The following FBXL17 variants were observed in gnomAD, a reference collection of about 807,000 sequenced individuals.
FBXL17 encodes F-box and leucine rich repeat protein 17, also known as F-box/LRR-repeat protein 17.
Under a neutral mutation model 66.2 loss-of-function variants are expected in FBXL17, and 22 were observed. That is an observed-to-expected ratio of 0.33 (90% CI 0.24 to 0.47). The LOEUF (loss-of-function observed/expected upper bound fraction) is 0.47, where lower values mean the gene tolerates loss of function less well. Among genes scored for constraint, FBXL17 ranks in the 20% least tolerant of loss-of-function variants. The probability of loss-of-function intolerance (pLI) is 1.00; values close to 1 mark genes in which losing one functional copy is unlikely to be tolerated. For missense variants in FBXL17, 878 were observed against 948.2 expected (o/e 0.93, Z 0.97); for synonymous variants, 474 against 400.5 (o/e 1.18, Z -2.19).
intron 3 of FBXL17, among the ~76,000 whole-genome samples, chr5:108,349,707 T>G (rs995198377): frequency 2.6e-5 from 4 of 152,198 alleles, no homozygotes; most frequent in South Asian, 4.1e-4. Context: ...GATTATGCAC[T>G]ATAAAGCAGC....
At chr5:108,093,736 G>A (rs1401071264) in intron 6 of FBXL17, among the ~76,000 whole-genome samples, 1 of 152,118 alleles carries the variant, frequency 6.6e-6, no homozygotes, top group Non-Finnish European at 1.5e-5. Flanking sequence ...AAGTGGGTAG[G>A]TCTAAGGGTA....
At chr5:108,161,611 G>A (rs897413288) in intron 6 of FBXL17, among the ~76,000 whole-genome samples, 1 of 152,206 alleles carries the variant, frequency 6.6e-6, no homozygotes, top group African/African-American at 2.4e-5. Flanking sequence ...GTAATAACCA[G>A]CAGGCATTCA....
chr5:108,202,878 G>A (rs1047331670), intron 5 of FBXL17, among the ~76,000 whole-genome samples: 1 of 152,050 alleles, frequency 6.6e-6, no homozygotes, highest in East Asian at 1.9e-4. Flanking sequence ...GCTATAGTAC[G>A]AGTTTTTTAA....
At chr5:108,375,489 C>T (rs926321531) in intron 1 of FBXL17, among the ~76,000 whole-genome samples, 9 of 151,752 alleles carry the variant, frequency 5.9e-5, no homozygotes. Context: ...AAAAAGTACA[C>T]AATTATAAGA....
intron 7 of FBXL17, among the ~76,000 whole-genome samples, chr5:107,898,949 AG>A (rs1292329453): frequency 6.6e-6 from 1 of 152,222 alleles, no homozygotes; most frequent in African/African-American, 2.4e-5. Flanking sequence ...TCTTTATAAT[AG>A]AATGATTTAT....
chr5:108,025,688 CACACACACACACACAA>C (rs1754774352), intron 6 of FBXL17, among the ~76,000 whole-genome samples: 3 of 138,546 alleles, frequency 2.2e-5, no homozygotes, highest in African/African-American at 3.2e-5. Context: ...CATACACACA[CACACACACACACACAA>C]ACACACACAC....
rs1749295254 is a variant in FBXL17 at position 108,094,382 on chromosome 5, A to C, written c.1746-73381T>G. On this transcript the variant is annotated intron_variant, in intron 6 of 8. Coordinates refer to ENST00000542267, the MANE Select transcript of FBXL17 (RefSeq NM_001163315.3). ...GGTATACAAAGGAGGGGTGACTATTAGGTGAACAGGTTTCCTTCATACAAA... is the reference window on the plus strand; with the variant it reads ...GGTATACAAAGGAGGGGTGACTATTCGGTGAACAGGTTTCCTTCATACAAA... Among the ~76,000 whole-genome samples the C allele has an allele frequency of 2.0e-5, 3 of 152,308 alleles. No individual in the cohort carries two copies. In the South Asian group the frequency reaches 6.2e-4, roughly 32 times the overall value.
chr5:108,033,001 T>C (rs1291166647), intron 6 of FBXL17, among the ~76,000 whole-genome samples: 1 of 152,180 alleles, frequency 6.6e-6, no homozygotes, highest in Non-Finnish European at 1.5e-5. Context: ...CTACCATATC[T>C]TCAGCCTGAA....
chr5:107,871,702 G>C (rs557658768), intron 8 of FBXL17, among the ~76,000 whole-genome samples: 37 of 150,668 alleles, frequency 2.5e-4, no homozygotes, highest in Non-Finnish European at 4.0e-4. Flanking sequence ...TTGCTTGGGG[G>C]AGTCATCTGC....
chr5:107,992,428 G>A (rs902679761), intron 7 of FBXL17, among the ~76,000 whole-genome samples: 5 of 152,068 alleles, frequency 3.3e-5, no homozygotes, highest in African/African-American at 1.2e-4. Flanking sequence ...TCAGAAAAAT[G>A]TTGGCCTTGA....
At chr5:108,050,776 T>C (rs568436795) in intron 6 of FBXL17, among the ~76,000 whole-genome samples, 3 of 152,054 alleles carry the variant, frequency 2.0e-5, no homozygotes, top group African/African-American at 7.2e-5. Flanking sequence ...AGCAGGTTTT[T>C]TGAAAAAATT....
At position 108,232,623 on chromosome 5, in the gene FBXL17, C is replaced by T. The variant is rs142680244; in HGVS notation, c.1507-8395G>A. Among the ~76,000 whole-genome samples, 198 of 151,296 alleles carry T rather than the reference C, an allele frequency of 1.3e-3. 5 individuals are homozygous for T. The highest frequency in any genetic ancestry group is 0.011 in the Admixed American group (166 of 15,112). On this transcript the variant is annotated intron_variant, in intron 4 of 8. Transcript: ENST00000542267. ...AGGCAAGACAGGCCTAGCGTCCCAGCATACATCTTTCTCCCGTGCTGGATG... is the reference window on the plus strand; with the variant it reads ...AGGCAAGACAGGCCTAGCGTCCCAGTATACATCTTTCTCCCGTGCTGGATG...
At chr5:107,910,107 G>A (rs1749898806) in intron 7 of FBXL17, among the ~76,000 whole-genome samples, 1 of 150,014 alleles carries the variant, frequency 6.7e-6, no homozygotes, top group Non-Finnish European at 1.5e-5. Flanking sequence ...TGCTTGCAGT[G>A]TGGGATGGGG....
At chr5:108,091,758 G>A (rs996557853) in intron 6 of FBXL17, among the ~76,000 whole-genome samples, 1 of 152,130 alleles carries the variant, frequency 6.6e-6, no homozygotes, top group Non-Finnish European at 1.5e-5. Context: ...TTACAGAAGT[G>A]AATTTTTAAC....
chr5:108,132,732 A>T (rs772324090), intron 6 of FBXL17, among the ~76,000 whole-genome samples: 4 of 152,200 alleles, frequency 2.6e-5, no homozygotes, highest in Non-Finnish European at 4.4e-5. Flanking sequence ...CATTTTATTT[A>T]ACTATGTAAT....
Position 107,861,509 on chromosome 5 carries a change from T to C in FBXL17, c.*211A>G. On this transcript the variant is annotated 3_prime_UTR_variant, in exon 9 of 9. Coordinates refer to ENST00000542267, the MANE Select transcript of FBXL17 (RefSeq NM_001163315.3). ...ACTAAAAAGTTTGTGGCTTTCATAA[T>C]CTTTAATTTCTAAGAAAAAAAGCCA... The C allele has an allele frequency of 2.6e-6, 1 of 387,498 alleles. No homozygotes were observed. Among genetic ancestry groups the C allele is most frequent in the Non-Finnish European group, 4.4e-6 (1 of 226,040 alleles). 24.0% of individuals were successfully genotyped at this position (387,498 alleles called of 1,614,324 possible). A position where few individuals can be genotyped will look rare whatever the true frequency, so the allele number is the denominator to read the frequency against.
chr5:108,227,212 A>G (rs1561475991), intron 4 of FBXL17, among the ~76,000 whole-genome samples: 1 of 152,140 alleles, frequency 6.6e-6, no homozygotes, highest in African/African-American at 2.4e-5. Flanking sequence ...CAAGCCCCCA[A>G]GTGACTCTTA....
chr5:108,381,865 C>G lies in FBXL17; in HGVS notation c.-174G>C, dbSNP rs912002211. 27 of 1,290,044 alleles carry G rather than the reference C, an allele frequency of 2.1e-5. No individual in the cohort carries two copies. The highest frequency in any genetic ancestry group is 2.6e-5 in the Non-Finnish European group (27 of 1,019,090). 79.9% of individuals were successfully genotyped at this position (1,290,044 alleles called of 1,614,324 possible). ...GACGGTGGGGGGTGGGCGTCAGCTG[C>G]GGGCCGCCGGAGTGCCCGACGGGGG... On this transcript the variant is annotated 5_prime_UTR_variant, in exon 1 of 9. Transcript: ENST00000542267.
intron 4 of FBXL17, among the ~76,000 whole-genome samples, chr5:108,237,084 A>G (rs1315806599): frequency 1.3e-5 from 2 of 152,184 alleles, no homozygotes; most frequent in Non-Finnish European, 2.9e-5. Context: ...ATAAGAGAAT[A>G]TACTCCAATC....
Sources: allele counts gnomAD v4.1 joint callset (sites outside exome capture counted in the v4.1 genomes callset), GRCh38; gene constraint gnomAD v4.1.1; transcripts MANE v1.5; gene names NCBI Gene and HGNC (gene_info 2026-07-23, HGNC 2026-07-21).